The following TBC1D8 variants were observed in gnomAD, a reference collection of about 807,000 sequenced individuals.
TBC1D8 encodes the protein TBC1 domain family member 8.
A neutral mutation model predicts 118.8 loss-of-function variants in TBC1D8; 65 were observed. The ratio of observed to expected loss-of-function variants is 0.55; its 90% CI spans 0.45 to 0.67. The LOEUF is 0.67. TBC1D8 is among the 30% of genes least tolerant of loss of function. TBC1D8 has a pLI of 0.00. For missense variants in TBC1D8, 1,376 were observed against 1,471.2 expected, an observed-to-expected ratio of 0.94 and a Z score of 1.06; for synonymous variants, 566 against 595.8, an observed-to-expected ratio of 0.95 and a Z score of 0.73.
intron 2 of TBC1D8, among the ~76,000 whole-genome samples, chr2:101,060,032 C>T (rs1372593243): frequency 1.3e-5 from 2 of 152,262 alleles, no homozygotes; most frequent in South Asian, 2.1e-4. Context: ...CTCCTCCCTG[C>T]AGGACTGGGA....
chr2:101,021,665 A>G lies in TBC1D8; in HGVS notation c.2827+16T>C. 2 of 1,568,504 alleles carry G rather than the reference A, an allele frequency of 1.3e-6. No homozygotes were observed. Among genetic ancestry groups the G allele is most frequent in the Non-Finnish European group, 8.8e-7 (1 of 1,142,628 alleles). On this transcript the variant is annotated intron_variant, in intron 17 of 19. Transcript: ENST00000409318. ...AAGCAGAGCACAGTCTGATTTTGCT[A>G]CTTGGACTTTCTTACCTGGAGGGAT...
At chr2:101,009,168 C>T (rs558225192) in intron 19 of TBC1D8, among the ~76,000 whole-genome samples, 1 of 152,168 alleles carries the variant, frequency 6.6e-6, no homozygotes, top group East Asian at 1.9e-4. Flanking sequence ...CCAAGGCAGG[C>T]GGATCACGAG....
intron 2 of TBC1D8, among the ~76,000 whole-genome samples, chr2:101,075,824 T>C (rs77545608): frequency 5.3e-5 from 8 of 152,246 alleles, no homozygotes; most frequent in African/African-American, 1.9e-4. Context: ...CAGAAGATGG[T>C]TCAATCTACA....
At chr2:101,103,360 A>G (rs1676986617) in intron 1 of TBC1D8, among the ~76,000 whole-genome samples, 2 of 151,496 alleles carry the variant, frequency 1.3e-5, no homozygotes, top group Admixed American at 1.3e-4. Flanking sequence ...GGAAACAAAA[A>G]AAAAAAAACT....
intron 3 of TBC1D8, among the ~76,000 whole-genome samples, chr2:101,055,311 C>A (rs1160394496): frequency 6.6e-6 from 1 of 151,912 alleles, no homozygotes; most frequent in Non-Finnish European, 1.5e-5. Flanking sequence ...ATCGCTTGAA[C>A]CCCGGAGGCA....
chr2:101,032,516 A>G, intron 10 of TBC1D8, 131 bp from the exon 11 acceptor site: 1 of 689,112 alleles, frequency 1.5e-6, no homozygotes, highest in South Asian at 1.7e-5. Flanking sequence ...TACACCAACC[A>G]CACTGACACT....
chr2:101,077,600 T>C (rs758409783), intron 2 of TBC1D8, among the ~76,000 whole-genome samples: 5 of 152,054 alleles, frequency 3.3e-5, no homozygotes, highest in Non-Finnish European at 7.4e-5. Flanking sequence ...TCACTATCTA[T>C]CCTGAGGACA....
Position 101,007,585 on chromosome 2 carries a change from A to G in TBC1D8, c.*236T>C. 1.9e-6 allele frequency: 1 copy of G among 515,048 alleles called. No individual in the cohort carries two copies. The allele number at this position is 515,048 out of a possible 1,614,324, so 31.9% of individuals were successfully genotyped here. ...GTGCCCATTTCAGCAAATCCGGTAAAAATTGTAAGTTGGCATCAAGGGAAC... is the reference window on the plus strand; with the variant it reads ...GTGCCCATTTCAGCAAATCCGGTAAGAATTGTAAGTTGGCATCAAGGGAAC... On this transcript the variant is annotated 3_prime_UTR_variant, in exon 20 of 20. Transcript: ENST00000409318.
chr2:101,029,877 G>GA, intron 11 of TBC1D8, 101 bp from the exon 12 acceptor site: 1 of 1,281,924 alleles, frequency 7.8e-7, no homozygotes, highest in Non-Finnish European at 1.1e-6. Context: ...CAAAGAGATG[G>GA]AATTTGAGTC....
At chr2:101,063,525 T>C (rs1283744491) in intron 2 of TBC1D8, among the ~76,000 whole-genome samples, 2 of 152,192 alleles carry the variant, frequency 1.3e-5, no homozygotes, top group Non-Finnish European at 2.9e-5. Flanking sequence ...GGCTTCTATT[T>C]CCTACACAAG....
At chr2:101,133,958 T>A (rs1199366506) in intron 1 of TBC1D8, among the ~76,000 whole-genome samples, 2 of 151,902 alleles carry the variant, frequency 1.3e-5, no homozygotes, top group Non-Finnish European at 2.9e-5. Context: ...AACCATCAGA[T>A]CTTGTGAGAA....
At chr2:101,041,666 G>T (rs1457729166) in intron 5 of TBC1D8, among the ~76,000 whole-genome samples, 1 of 151,844 alleles carries the variant, frequency 6.6e-6, no homozygotes, top group Non-Finnish European at 1.5e-5. Context: ...CCACTGAATG[G>T]TACACTTTTA....
Position 101,151,288 on chromosome 2 carries a change from C to T in TBC1D8, c.-35G>A. ...CCGGCCGCGCCCGCCGGCCCCAGCT[C>T]ACATCTCCCCGGCCGCCGGTCGCTG... On this transcript the variant is annotated 5_prime_UTR_variant, in exon 1 of 20. An upstream open reading frame in the 5' UTR loses its in-frame stop. Transcript: ENST00000409318. 1.8e-6 allele frequency: 2 copies of T among 1,118,896 alleles called. No homozygotes were observed. The highest frequency in any genetic ancestry group is 2.2e-6 in the Non-Finnish European group (2 of 902,106). The allele number at this position is 1,118,896 out of a possible 1,614,324, so 69.3% of individuals were successfully genotyped here.
chr2:101,097,976 T>C (rs1014535502), intron 1 of TBC1D8, among the ~76,000 whole-genome samples: 2 of 152,210 alleles, frequency 1.3e-5, no homozygotes, highest in Non-Finnish European at 2.9e-5. Context: ...AGACAACTAC[T>C]ACAAATTTTT....
intron 2 of TBC1D8, among the ~76,000 whole-genome samples, chr2:101,082,528 C>T (rs778693607): frequency 5.3e-5 from 8 of 152,180 alleles, no homozygotes; most frequent in Non-Finnish European, 8.8e-5. Context: ...TCGACTTATG[C>T]CCAATCATTC....
intron 1 of TBC1D8, among the ~76,000 whole-genome samples, chr2:101,117,874 CTT>C (rs35760018): frequency 3.0e-4 from 35 of 116,164 alleles, no homozygotes; most frequent in Middle Eastern, 4.7e-3. Context: ...CGCACCCGGC[CTT>C]TTTTTTTTTT....
rs138786683 is a variant in TBC1D8 at position 101,035,567 on chromosome 2, G to A, written c.1603+451C>T. Among the ~76,000 whole-genome samples the A allele has an allele frequency of 2.1e-3, 321 of 152,288 alleles. 3 individuals carry two copies. Among genetic ancestry groups the A allele is most frequent in the African/African-American group, 7.5e-3 (310 of 41,562 alleles). On this transcript the variant is annotated intron_variant, in intron 9 of 19. Transcript: ENST00000409318. ...ATCTGCACTTTTGCCTCTGGTGCCC[G>A]CCATGTGTCTTCACTGGAGGAGGGA...
intron 3 of TBC1D8, among the ~76,000 whole-genome samples, chr2:101,056,215 T>A (rs1457688239): frequency 1.2e-4 from 7 of 57,416 alleles, no homozygotes; most frequent in African/African-American, 3.3e-4. Context: ...TTATTTTTTT[T>A]TTTTTTTTGA....
At chr2:101,054,667 CTTTTCTTTTTTTTTTTTTT>C (rs1240883238) in intron 3 of TBC1D8, among the ~76,000 whole-genome samples, 4 of 21,300 alleles carry the variant, frequency 1.9e-4, no homozygotes, top group Admixed American at 7.2e-4. Flanking sequence ...ATTTTCTTTT[CTTTTCTTTTTTTTTTTTTT>C]TTTTTTTTTT....
Sources: gnomAD v4.1 joint callset for allele counts (sites outside exome capture counted in the v4.1 genomes callset) on GRCh38, gnomAD v4.1.1 for gene constraint, MANE v1.5 for transcripts, NCBI Gene and HGNC (gene_info 2026-07-23, HGNC 2026-07-21) for gene names.